Variants in NFE2L1 observed in about 807,000 individuals in gnomAD.
NFE2L1 encodes endoplasmic reticulum membrane sensor NFE2L1.
A neutral mutation model predicts 61.6 loss-of-function variants in NFE2L1; 18 were observed. That is an observed-to-expected ratio of 0.29 (90% CI 0.20 to 0.43). The LOEUF (loss-of-function observed/expected upper bound fraction) is 0.43. NFE2L1 is among the 20% of genes least tolerant of loss of function. The pLI, the probability that NFE2L1 is intolerant of heterozygous loss-of-function variation, is 1.00. For missense variants in NFE2L1, 827 were observed against 973.5 expected, an observed-to-expected ratio of 0.85 and a Z score of 2.00; for synonymous variants, 419 against 402.7, an observed-to-expected ratio of 1.04 and a Z score of -0.48.
At chr17:48,054,229 G>A (rs1426547414) in intron 2 of NFE2L1, 2 of 153,338 alleles carry the variant, frequency 1.3e-5, no homozygotes, top group African/African-American at 4.8e-5. Context: ...TGCGACAGGA[G>A]GGAGGAGAGT....
chr17:48,051,709 G>A, intron 2 of NFE2L1, 81 bp downstream of exon 2: 3 of 1,505,746 alleles, frequency 2.0e-6, no homozygotes, highest in Non-Finnish European at 2.7e-6. Context: ...AGAACACTGA[G>A]CCCTGTAAAG....
In NFE2L1 at chr17:48,057,025, G is replaced by A. The variant is rs1359042328; in HGVS notation, c.724-7G>A. 6.8e-6 allele frequency: 11 copies of A among 1,613,932 alleles called. No individual in the cohort carries two copies. The highest frequency in any genetic ancestry group is 9.3e-6 in the Non-Finnish European group (11 of 1,179,910). On this transcript the variant is annotated splice_polypyrimidine_tract_variant and splice_region_variant and intron_variant, in intron 3 of 5. Transcript: ENST00000362042. ...GTCAATCAGACTTACAGTTCCTGTT[G>A]CCACAGGTGCCTAGTGGGGAGGACC...
intron 2 of NFE2L1, chr17:48,054,677 G>GCTA: frequency 7.9e-7 from 1 of 1,272,504 alleles, no homozygotes; most frequent in Non-Finnish European, 9.9e-7. Context: ...GGAGCGGGAG[G>GCTA]ATAGGCCCAG....
Position 48,059,752 on chromosome 17 carries a change from A to C in NFE2L1, c.*111A>C. 5.7e-6 allele frequency: 8 copies of C among 1,407,924 alleles called. No homozygotes were observed. Among genetic ancestry groups the C allele is most frequent in the Non-Finnish European group, 7.5e-6 (8 of 1,070,676 alleles). The allele number at this position is 1,407,924 out of a possible 1,614,324, so 87.2% of individuals were successfully genotyped here. A position where few individuals can be genotyped will look rare whatever the true frequency, so the allele number is the denominator to read the frequency against. On this transcript the variant is annotated 3_prime_UTR_variant, in exon 6 of 6. Transcript: ENST00000362042. This position sits in a 1 kb window ranked among gnomAD's most constrained non-coding sequence, Gnocchi z 6.1. ...GGACTTAAATGCCTTCTTATCCAATATATCTTCTCAGATGGGATGACTGCG... is the reference window on the plus strand; with the variant it reads ...GGACTTAAATGCCTTCTTATCCAATCTATCTTCTCAGATGGGATGACTGCG...
intron 2 of NFE2L1, chr17:48,054,698 G>T: frequency 7.7e-7 from 1 of 1,292,164 alleles, no homozygotes; most frequent in Non-Finnish European, 9.8e-7. Flanking sequence ...GAGGGAGCTT[G>T]CTTTCCTCTG....
intron 3 of NFE2L1, 112 bp downstream of exon 3, chr17:48,056,710 T>C: frequency 7.6e-7 from 1 of 1,314,094 alleles, no homozygotes; most frequent in South Asian, 1.4e-5. Context: ...GTGTGTGGGG[T>C]GGACCTGAAT....
At chr17:48,056,296 C>G (rs1158564663) in intron 2 of NFE2L1, 90 bp from the exon 3 acceptor site, 2 of 1,493,320 alleles carry the variant, frequency 1.3e-6, no homozygotes, top group Non-Finnish European at 1.9e-6. Flanking sequence ...CCAGGACTAA[C>G]TGGGGTGACA....
rs1360088688 is a variant in NFE2L1, at chr17:48,058,485, C to G, written c.1163C>G (p.Ala388Gly). 3 of 1,613,244 alleles carry G rather than the reference C, an allele frequency of 1.9e-6. No individual in the cohort carries two copies. In the East Asian group the frequency reaches 6.7e-5, roughly 36 times the overall value. The change falls in exon 6 of 6, where the codon GCC becomes GGC. Residue 388 changes from alanine (A) to glycine (G), a missense_variant. Physicochemically the swap from Ala to Gly is moderately conservative, Grantham distance 60. Coordinates refer to ENST00000362042, the MANE Select transcript of NFE2L1 (RefSeq NM_003204.3). ...CCCGAGGTGGAAAGCCTGCCTGTGG[C>G]CAGTAGCTCCACGCTGCTCCCGTTG... ...FSPEVESLPV[A>G]SSSTLLPLAP... is the part of the protein sequence containing the mutation.
chr17:48,059,698 A>C lies in NFE2L1; in HGVS notation c.*57A>C. The stretch of plus-strand genomic sequence containing the variant: ...AAGACCGAAACTGGAGAAGGGCTGG[A>C]CCTGGACCTGGACCTGGACCTACAG... On this transcript the variant is annotated 3_prime_UTR_variant, in exon 6 of 6. Coordinates refer to ENST00000362042, the MANE Select transcript of NFE2L1 (RefSeq NM_003204.3). The surrounding 1 kb of genome is among the most constrained non-coding windows in gnomAD (Gnocchi z 6.1). The C allele has an allele frequency of 8.3e-7, 1 of 1,206,028 alleles. No individual in the cohort carries two copies. Among genetic ancestry groups the C allele is most frequent in the Non-Finnish European group, 1.1e-6 (1 of 920,924 alleles). 74.7% of individuals were successfully genotyped at this position (1,206,028 alleles called of 1,614,324 possible). A position where few individuals can be genotyped will look rare whatever the true frequency, so the allele number is the denominator to read the frequency against.
At chr17:48,057,936 C>T (rs913592312) in intron 5 of NFE2L1, among the ~76,000 whole-genome samples, 2 of 152,198 alleles carry the variant, frequency 1.3e-5, no homozygotes, top group Non-Finnish European at 2.9e-5. Flanking sequence ...ATGTGCCCAT[C>T]GTCACACAGC....
At chr17:48,055,087 T>G (rs1360391173) in intron 2 of NFE2L1, 1 of 1,463,722 alleles carries the variant, frequency 6.8e-7, no homozygotes, top group Non-Finnish European at 9.0e-7. Context: ...CCCTTAACTC[T>G]TTGCTGGCTG....
Position 48,059,236 on chromosome 17 carries a change from C to T in NFE2L1, c.1914C>T (p.Phe638=), listed in dbSNP as rs1235740097. The part of the protein sequence containing the change: ...DKIINLPVEE[F]NELLSKYQLS... Reference sequence around the variant, plus strand: ...TCATCAACCTGCCTGTGGAGGAGTTCAATGAACTGCTGTCCAAATACCAGT... The same window carrying T: ...TCATCAACCTGCCTGTGGAGGAGTTTAATGAACTGCTGTCCAAATACCAGT... Residue 638 remains phenylalanine, a synonymous_variant, in exon 6 of 6, where the codon TTC becomes TTT. Transcript: ENST00000362042. The surrounding 1 kb of genome is among the most constrained non-coding windows in gnomAD (Gnocchi z 6.1). The T allele has an allele frequency of 1.9e-6, 3 of 1,614,158 alleles. No individual in the cohort carries two copies. The highest frequency in any genetic ancestry group is 2.2e-5 in the South Asian group (2 of 91,074).
At position 48,058,645 on chromosome 17, in the gene NFE2L1, G is replaced by A. The variant is rs377464826; in HGVS notation, c.1323G>A (p.Leu441=). 1.9e-5 allele frequency: 30 copies of A among 1,614,110 alleles called. No homozygotes were observed. The highest frequency in any genetic ancestry group is 2.5e-5 in the Non-Finnish European group (29 of 1,180,052). ...GPELPDPLGG[L]LDEAMLDEIS... ...AGCTGCCTGACCCTTTGGGGGGTCT[G>A]TTAGATGAAGCTATGTTGGATGAGA... The change falls in exon 6 of 6, where the codon CTG becomes CTA. Residue 441 remains leucine, a synonymous_variant. Transcript: ENST00000362042.
chr17:48,057,200 C>G, intron 4 of NFE2L1, 79 bp downstream of exon 4: 1 of 1,585,852 alleles, frequency 6.3e-7, no homozygotes, highest in Non-Finnish European at 8.6e-7. Context: ...GCTGAGGGGC[C>G]AGCTGTTGGT....
intron 2 of NFE2L1, among the ~76,000 whole-genome samples, chr17:48,053,107 CCTCCCCCAGGGTAG>C (rs1598283032): frequency 1.3e-5 from 2 of 152,190 alleles, no homozygotes; most frequent in Admixed American, 1.3e-4. Context: ...GCTCTATGCT[CCTCCCCCAGGGTAG>C]CTCCCCCAGG....
intron 1 of NFE2L1, among the ~76,000 whole-genome samples, chr17:48,049,461 C>T (rs1237504483): frequency 6.6e-6 from 1 of 151,978 alleles, no homozygotes; most frequent in Non-Finnish European, 1.5e-5. Flanking sequence ...GGCGCGATAT[C>T]GGCCCACCAC....
At chr17:48,055,302 C>G (rs879627467) in intron 2 of NFE2L1, among the ~76,000 whole-genome samples, 1 of 152,096 alleles carries the variant, frequency 6.6e-6, no homozygotes, top group Non-Finnish European at 1.5e-5. Flanking sequence ...ATTTTAACCC[C>G]TGGATGGAAG....
chr17:48,054,569 GCT>G lies in NFE2L1; in HGVS notation c.511-1812_511-1811del, dbSNP rs1440734588. 11 of 1,184,922 alleles carry G rather than the reference GCT, an allele frequency of 9.3e-6. No homozygotes were observed. In the East Asian group the frequency reaches 2.0e-4, roughly 21 times the overall value. 73.4% of individuals were successfully genotyped at this position (1,184,922 alleles called of 1,614,324 possible). A position where few individuals can be genotyped will look rare whatever the true frequency, so the allele number is the denominator to read the frequency against. On this transcript the variant is annotated intron_variant, in intron 2 of 5. Transcript: ENST00000362042. ...GCTGCTGACCTGGGGGAGGGGATTG[GCT>G]CTCTGCAGCCTCAGCAGTGACCTGC...
chr17:48,054,584 A>T, intron 2 of NFE2L1: 3 of 861,206 alleles, frequency 3.5e-6, no homozygotes, highest in Non-Finnish European at 4.4e-6. Context: ...CTGCAGCCTC[A>T]GCAGTGACCT....
Sources: gnomAD v4.1 joint callset for allele counts (sites outside exome capture counted in the v4.1 genomes callset) on GRCh38, gnomAD v4.1.1 for gene constraint, Gnocchi (gnomAD v3.1) non-coding constraint, MANE v1.5 for transcripts, NCBI Gene and HGNC (gene_info 2026-07-23, HGNC 2026-07-21) for gene names.